The following ABCC5 variants were observed in gnomAD, a reference collection of about 807,000 sequenced individuals.
ABCC5 encodes the protein ATP-binding cassette sub-family C member 5.
A neutral mutation model predicts 160.9 loss-of-function variants in ABCC5; 61 were observed. The observed-to-expected ratio is 0.38, with a 90% CI of 0.31 to 0.47. The LOEUF (loss-of-function observed/expected upper bound fraction) is 0.47, where lower values mean the gene tolerates loss of function less well. Among genes scored for constraint, ABCC5 ranks in the 20% least tolerant of loss-of-function variants. The pLI, the probability that ABCC5 is intolerant of heterozygous loss-of-function variation, is 0.99. For missense variants in ABCC5, 1,308 were observed against 1,813.3 expected (o/e 0.72, Z 5.06); for synonymous variants, 666 against 700.6 (o/e 0.95, Z 0.78).
chr3:183,922,398 A>T (rs1712093326), intron 29 of ABCC5, among the ~76,000 whole-genome samples: 1 of 152,224 alleles, frequency 6.6e-6, no homozygotes, highest in Non-Finnish European at 1.5e-5. Context: ...ATAAATAAAC[A>T]AAATAAAATA....
At position 183,943,024 on chromosome 3, in the gene ABCC5, T is replaced by C. The variant is rs1714515408; in HGVS notation, c.3505-108A>G. 6 of 1,111,386 alleles carry C rather than the reference T, an allele frequency of 5.4e-6. No homozygotes were observed. In the East Asian group the frequency reaches 1.2e-4, roughly 22 times the overall value. The allele number at this position is 1,111,386 out of a possible 1,614,324, so 68.8% of individuals were successfully genotyped here. ...GACAACCATAGTAGCCACACAGAGG[T>C]AGCTGCCACCCTGTCACCTTGCTAG... On this transcript the variant is annotated intron_variant, in intron 24 of 29. Coordinates refer to ENST00000334444, the MANE Select transcript of ABCC5 (RefSeq NM_005688.4).
At position 183,981,854 on chromosome 3, in the gene ABCC5, T is replaced by C. The variant is rs536242748; in HGVS notation, c.1020A>G (p.Thr340=). ...CCACGCATTTTCTCCTGAAATATGC[T>C]GTGAGCCGTGATGCAAACATCTGAA... The part of the protein sequence containing the change: ...YPAMMFASRL[T]AYFRRKCVAA... Residue 340 remains threonine (T), a synonymous_variant, in exon 8 of 30, where the codon ACA becomes ACG. Transcript: ENST00000334444. 1.2e-5 allele frequency: 19 copies of C among 1,604,642 alleles called. No homozygotes were observed. In the African/African-American group the frequency reaches 2.2e-4, roughly 18 times the overall value.
chr3:183,945,949 GA>G lies in ABCC5; in HGVS notation c.3415-11del, dbSNP rs764783298. 1 of 1,611,940 alleles carries G rather than the reference GA, an allele frequency of 6.2e-7. No individual in the cohort carries two copies. Among genetic ancestry groups the G allele is most frequent in the South Asian group, 1.1e-5 (1 of 91,034 alleles). The stretch of plus-strand genomic sequence containing the variant: ...GGAACAGCCCCGTTAACTGATAATG[GA>G]AAACAACAATCAAAGAGATAATTCA... On this transcript the variant is annotated splice_polypyrimidine_tract_variant and intron_variant, in intron 23 of 29. Transcript: ENST00000334444.
At chr3:184,010,861 G>A (rs1177151584) in intron 2 of ABCC5, among the ~76,000 whole-genome samples, 1 of 147,786 alleles carries the variant, frequency 6.8e-6, no homozygotes, top group East Asian at 2.0e-4. Flanking sequence ...GCAATGGCGC[G>A]ATCTTGGTTC....
chr3:183,926,630 A>G (rs1202793244), intron 28 of ABCC5, among the ~76,000 whole-genome samples: 1 of 152,200 alleles, frequency 6.6e-6, no homozygotes, highest in Non-Finnish European at 1.5e-5. Context: ...GAGCATGTAC[A>G]ATTAATTCTT....
chr3:183,986,740 G>A (rs1322335933), intron 5 of ABCC5: 1 of 152,148 alleles, frequency 6.6e-6, no homozygotes, highest in East Asian at 1.9e-4. Flanking sequence ...CTTGGGGGAA[G>A]CTGGCTCTAT....
In ABCC5 at chr3:183,942,800, A is replaced by G; in HGVS notation, c.3621T>C (p.Pro1207=). 6.2e-7 allele frequency: 1 copy of G among 1,614,172 alleles called. No homozygotes were observed. Among genetic ancestry groups the G allele is most frequent in the Non-Finnish European group, 8.5e-7 (1 of 1,180,018 alleles). The part of the protein sequence containing the change: ...NAEMRYRENL[P]LVLKKVSFTI... ...TGAAGGATACTTTCTTTAGGACGAG[A>G]GGGAGGTTTTCTCGGTACCTCATCT... is the stretch of plus-strand genomic sequence containing the variant. Residue 1207 remains proline (P), a synonymous_variant, in exon 25 of 30, where the codon CCT becomes CCC. Coordinates refer to ENST00000334444, the MANE Select transcript of ABCC5 (RefSeq NM_005688.4).
chr3:183,971,867 G>C lies in ABCC5; in HGVS notation c.1457C>G (p.Pro486Arg). 6.2e-7 allele frequency: 1 copy of C among 1,614,156 alleles called. No individual in the cohort carries two copies. The highest frequency in any genetic ancestry group is 8.5e-7 in the Non-Finnish European group (1 of 1,180,038). ...VHMIKNKPAS[P>R]HIKIEMKNAT... ...ATTTTTCATCTCTATCTTGATGTGA[G>C]GACTGGCTGGTTTGTTCTTTATCAT... Residue 486 changes from proline to arginine, a missense_variant, in exon 11 of 30, where the codon CCT becomes CGT. By Grantham distance (103) the Pro-to-Arg change is moderately radical. Coordinates refer to ENST00000334444, the MANE Select transcript of ABCC5 (RefSeq NM_005688.4).
In ABCC5 at chr3:183,949,396, A is replaced by C. The variant is rs182387054; in HGVS notation, c.3227+357T>G. ...TCAGGGCCAAGGCCAATAGACTCCT[A>C]ATCTGTGGGGTTTGTTCCTTGTATT... is the stretch of plus-strand genomic sequence containing the variant. On this transcript the variant is annotated intron_variant, in intron 22 of 29. Coordinates refer to ENST00000334444, the MANE Select transcript of ABCC5 (RefSeq NM_005688.4). The surrounding 1 kb of genome is among the most constrained non-coding windows in gnomAD (Gnocchi z 4.2). Among the ~76,000 whole-genome samples, 1 of 152,352 alleles carries C rather than the reference A, an allele frequency of 6.6e-6. No homozygotes were observed. The highest frequency in any genetic ancestry group is 2.4e-5 in the African/African-American group (1 of 41,588).
intron 2 of ABCC5, among the ~76,000 whole-genome samples, chr3:184,014,000 G>A (rs1053665438): frequency 6.6e-6 from 1 of 152,060 alleles, no homozygotes; most frequent in African/African-American, 2.4e-5. Context: ...AGCCTCGCAA[G>A]TATCTGGGAT....
intron 2 of ABCC5, among the ~76,000 whole-genome samples, chr3:184,004,472 C>T (rs1427016386): frequency 7.3e-6 from 1 of 136,734 alleles, no homozygotes; most frequent in Non-Finnish European, 1.5e-5. Flanking sequence ...GACCATGCCA[C>T]TGCACTCCAG....
rs74532578 is a variant in ABCC5 at position 183,933,690 on chromosome 3, G to T, written c.3854+4211C>A. 7.3e-3 allele frequency among the ~76,000 whole-genome samples: 1,114 copies of T among 152,176 alleles called. 3 individuals carry two copies. The highest frequency in any genetic ancestry group is 0.011 in the Non-Finnish European group (751 of 67,998). ...GACATTCTGGCTAATCTAAGGAAGG[G>T]GTGTGGTCCCAAATTATCTGGCCTA... On this transcript the variant is annotated intron_variant, in intron 26 of 29. Coordinates refer to ENST00000334444, the MANE Select transcript of ABCC5 (RefSeq NM_005688.4).
intron 17 of ABCC5, 73 bp downstream of exon 17, chr3:183,959,660 G>T: frequency 3.5e-6 from 4 of 1,128,976 alleles, no homozygotes; most frequent in East Asian, 2.4e-5. Flanking sequence ...CAAACATCAT[G>T]AATTACTTAC....
chr3:183,929,778 ATTTTTGTGT>A (rs1178470913), intron 26 of ABCC5, among the ~76,000 whole-genome samples: 2 of 152,074 alleles, frequency 1.3e-5, no homozygotes, highest in African/African-American at 4.8e-5. Flanking sequence ...ATGCCACGTA[ATTTTTGTGT>A]TTTTTGTAGA....
chr3:183,940,748 G>A (rs1453698906), intron 25 of ABCC5, among the ~76,000 whole-genome samples: 1 of 152,144 alleles, frequency 6.6e-6, no homozygotes, highest in East Asian at 1.9e-4. Flanking sequence ...AGGCAGTGAA[G>A]TCCTCAAGAT....
intron 8 of ABCC5, among the ~76,000 whole-genome samples, chr3:183,980,431 G>A (rs6775518): frequency 0.2 from 30,469 of 152,120 alleles, 3,178 homozygotes; most frequent in East Asian, 0.43. Context: ...TAAAACTACA[G>A]AATCAGAGAG....
Position 183,987,830 on chromosome 3 carries a change from G to C in ABCC5, c.531C>G (p.Thr177=), listed in dbSNP as rs931216341. 41 of 1,614,084 alleles carry C rather than the reference G, an allele frequency of 2.5e-5. No homozygotes were observed. Among genetic ancestry groups the C allele is most frequent in the Admixed American group, 3.3e-5 (2 of 60,010 alleles). ...GGCACACGATGGACAGGATGAGCCTGGTGCGGCAGAAGATCCACACAACCC... is the reference window on the plus strand; with the variant it reads ...GGCACACGATGGACAGGATGAGCCTCGTGCGGCAGAAGATCCACACAACCC... ...LRRVVWIFCR[T]RLILSIVCLM... The change falls in exon 5 of 30, where the codon ACC becomes ACG. Residue 177 remains threonine, a synonymous_variant. Coordinates refer to ENST00000334444, the MANE Select transcript of ABCC5 (RefSeq NM_005688.4). This position sits in a 1 kb window ranked among gnomAD's most constrained non-coding sequence, Gnocchi z 4.2.
intron 11 of ABCC5, among the ~76,000 whole-genome samples, chr3:183,969,691 CAAAAA>C (rs35014671): frequency 1.4e-5 from 1 of 70,658 alleles, no homozygotes. Context: ...GACTCTGTCT[CAAAAA>C]AAAAAAAAAA....
chr3:183,926,292 C>CAGGGA, intron 28 of ABCC5, among the ~76,000 whole-genome samples: 3 of 151,758 alleles, frequency 2.0e-5, no homozygotes, highest in Non-Finnish European at 4.4e-5. Context: ...TGGCTCATGC[C>CAGGGA]TGTAATCCCA....
Sources: gnomAD v4.1 joint callset for allele counts (sites outside exome capture counted in the v4.1 genomes callset) on GRCh38, gnomAD v4.1.1 for gene constraint, Gnocchi (gnomAD v3.1) non-coding constraint, MANE v1.5 for transcripts, NCBI Gene and HGNC (gene_info 2026-07-23, HGNC 2026-07-21) for gene names.